Variants in CELF2 observed in about 807,000 individuals in gnomAD.
CELF2 encodes the protein CUG triplet repeat RNA-binding protein 2.
Under a neutral mutation model 62.6 loss-of-function variants are expected in CELF2, and 8 were observed. That is an observed-to-expected ratio of 0.13 (90% CI 0.07 to 0.23). The LOEUF (loss-of-function observed/expected upper bound fraction) is 0.23, where lower values mean the gene tolerates loss of function less well. Among genes scored for constraint, CELF2 ranks in the 10% least tolerant of loss-of-function variants. The pLI is 1.00. For missense variants in CELF2, 333 were observed against 671.0 expected, an observed-to-expected ratio of 0.50 and a Z score of 5.56; for synonymous variants, 258 against 250.0, an observed-to-expected ratio of 1.03 and a Z score of -0.30.
At chr10:10,888,342 G>A (rs2133846243) in intron 1 of CELF2, among the ~76,000 whole-genome samples, 1 of 152,282 alleles carries the variant, frequency 6.6e-6, no homozygotes, top group Non-Finnish European at 1.5e-5. Flanking sequence ...CACAGGCACA[G>A]GCACCCCTGT....
At chr10:10,686,429 C>A in the CELF2 span, among the ~76,000 whole-genome samples, 1 of 151,904 alleles carries the variant, frequency 6.6e-6, no homozygotes, top group Non-Finnish European at 1.5e-5. Context: ...GTTGTGATCA[C>A]CGCATCCCTG....
the CELF2 span, among the ~76,000 whole-genome samples, chr10:10,478,332 A>G: frequency 1.3e-5 from 2 of 152,232 alleles, no homozygotes; most frequent in Non-Finnish European, 2.9e-5. Context: ...AGGTATTTTT[A>G]TCATTAAGTA....
chr10:10,696,998 G>A, the CELF2 span, among the ~76,000 whole-genome samples: 4 of 152,176 alleles, frequency 2.6e-5, no homozygotes, highest in African/African-American at 4.8e-5. Context: ...CGGCCATCTT[G>A]CGATTATGGT....
intron 3 of CELF2, among the ~76,000 whole-genome samples, chr10:11,228,081 A>G (rs2067233843): frequency 6.6e-6 from 1 of 152,216 alleles, no homozygotes. Flanking sequence ...CTGTCATTCT[A>G]TATATGTTAT....
intron 1 of CELF2, among the ~76,000 whole-genome samples, chr10:11,021,363 TTTG>T (rs755430466): frequency 6.6e-6 from 1 of 152,176 alleles, no homozygotes; most frequent in Non-Finnish European, 1.5e-5. Context: ...GAACTAGCTT[TTTG>T]TTAAGTCCTT....
intron 3 of CELF2, among the ~76,000 whole-genome samples, chr10:11,240,382 A>G (rs758232470): frequency 9.9e-5 from 15 of 152,258 alleles, no homozygotes; most frequent in Admixed American, 1.3e-4. Flanking sequence ...AATACACCAC[A>G]AAATGTAAGA....
chr10:10,714,607 T>A, the CELF2 span, among the ~76,000 whole-genome samples: 1 of 152,166 alleles, frequency 6.6e-6, no homozygotes, highest in South Asian at 2.1e-4. Context: ...AGATTATATA[T>A]GCCCCTACGA....
chr10:10,671,351 C>G, the CELF2 span, among the ~76,000 whole-genome samples: 20 of 152,100 alleles, frequency 1.3e-4, no homozygotes, highest in Non-Finnish European at 5.9e-5. Flanking sequence ...ACTGAAGGAC[C>G]TCTTGTTGCT....
the CELF2 span, among the ~76,000 whole-genome samples, chr10:10,731,413 G>T: frequency 6.6e-6 from 1 of 152,096 alleles, no homozygotes; most frequent in African/African-American, 2.4e-5. Flanking sequence ...TGAATGTATG[G>T]TTCCATTGTA....
At chr10:10,705,306 T>C in the CELF2 span, among the ~76,000 whole-genome samples, 2 of 151,370 alleles carry the variant, frequency 1.3e-5, no homozygotes, top group African/African-American at 4.9e-5. Flanking sequence ...ACTCTGTGCG[T>C]GTGTGAGTCC....
the CELF2 span, among the ~76,000 whole-genome samples, chr10:10,503,333 C>A: frequency 6.6e-6 from 1 of 152,020 alleles, no homozygotes; most frequent in Admixed American, 6.5e-5. Context: ...ATGTTAAAGT[C>A]TATAACTCTA....
the CELF2 span, among the ~76,000 whole-genome samples, chr10:10,548,558 C>T: frequency 3.3e-5 from 5 of 152,094 alleles, no homozygotes; most frequent in East Asian, 1.9e-4. Flanking sequence ...TTATAGGAGT[C>T]GCAGTATTTT....
the CELF2 span, among the ~76,000 whole-genome samples, chr10:10,537,539 C>T: frequency 6.6e-6 from 1 of 152,086 alleles, no homozygotes; most frequent in African/African-American, 2.4e-5. Flanking sequence ...ACATTTCATC[C>T]ACTTACCTTA....
rs546553782 is a variant in CELF2, at chr10:11,219,207, G to A, written c.354+1700G>A. ...ACTAGAAACACAGCTCCCAGCATGC[G>A]ATCTTCATAGTCGAGGGTGCTCTCA... On this transcript the variant is annotated intron_variant, in intron 3 of 12. Transcript: ENST00000633077. Among the ~76,000 whole-genome samples, 278 of 152,294 alleles carry A rather than the reference G, an allele frequency of 1.8e-3. 1 individual carries two copies. The highest frequency in any genetic ancestry group is 6.4e-3 in the African/African-American group (266 of 41,560).
chr10:10,549,722 C>T, the CELF2 span, among the ~76,000 whole-genome samples: 2 of 152,182 alleles, frequency 1.3e-5, no homozygotes, highest in Non-Finnish European at 2.9e-5. Flanking sequence ...TGGATTAGGG[C>T]CCACCCTAAA....
rs1442316449 is a variant in CELF2 at position 11,046,692 on chromosome 10, C to T, written c.74+28529C>T. Among the ~76,000 whole-genome samples, 2 of 152,120 alleles carry T rather than the reference C, an allele frequency of 1.3e-5. No homozygotes were observed. Among genetic ancestry groups the T allele is most frequent in the Non-Finnish European group, 2.9e-5 (2 of 68,018 alleles). On this transcript the variant is annotated intron_variant, in intron 1 of 12. Coordinates refer to ENST00000633077, the MANE Select transcript of CELF2 (RefSeq NM_001326342.2). This position sits in a 1 kb window ranked among gnomAD's most constrained non-coding sequence, Gnocchi z 4.6. ...TAACAGCCCGCAGAACCCTCAGGACCCATACAGGAATGAGGATTCTCATAC... is the reference window on the plus strand; with the variant it reads ...TAACAGCCCGCAGAACCCTCAGGACTCATACAGGAATGAGGATTCTCATAC...
chr10:10,708,316 C>T, the CELF2 span, among the ~76,000 whole-genome samples: 1 of 152,036 alleles, frequency 6.6e-6, no homozygotes, highest in Non-Finnish European at 1.5e-5. Context: ...AAATTGAGAC[C>T]CAAGAAGGTG....
chr10:10,665,408 A>G, the CELF2 span, among the ~76,000 whole-genome samples: 6 of 152,176 alleles, frequency 3.9e-5, no homozygotes, highest in Non-Finnish European at 7.4e-5. Context: ...CCATAAATAT[A>G]TATATATAAA....
At chr10:11,254,680 TGAAACC>T (rs2078157698) in intron 4 of CELF2, among the ~76,000 whole-genome samples, 3 of 152,232 alleles carry the variant, frequency 2.0e-5, no homozygotes, top group Non-Finnish European at 4.4e-5. Flanking sequence ...GGTTTAGCAG[TGAAACC>T]AAGGACTTGG....
Sources: gnomAD v4.1 joint callset for allele counts (sites outside exome capture counted in the v4.1 genomes callset) on GRCh38, gnomAD v4.1.1 for gene constraint, Gnocchi (gnomAD v3.1) non-coding constraint, MANE v1.5 for transcripts, NCBI Gene and HGNC (gene_info 2026-07-23, HGNC 2026-07-21) for gene names.